PTPRD: variants seen among roughly 807,000 people sequenced by gnomAD.
PTPRD encodes the protein protein tyrosine phosphatase receptor type D.
A neutral mutation model predicts 214.5 loss-of-function variants in PTPRD; 34 were observed. The observed-to-expected ratio is 0.16, with a 90% CI of 0.12 to 0.21. PTPRD has a LOEUF of 0.21. Ranked by LOEUF, PTPRD falls within the 10% of genes least tolerant of loss-of-function variation. The pLI is 1.00. For missense variants in PTPRD, 2,545 were observed against 2,398.7 expected, an observed-to-expected ratio of 1.06 and a Z score of -1.27; for synonymous variants, 1,128 against 845.7, an observed-to-expected ratio of 1.33 and a Z score of -5.79.
At chr9:10,157,997 A>G (rs1049118015) in intron 3 of PTPRD, among the ~76,000 whole-genome samples, 1 of 125,090 alleles carries the variant, frequency 8.0e-6, no homozygotes, top group African/African-American at 3.0e-5. Flanking sequence ...CAAGTTGTTT[A>G]TGGTTTTTTG....
intron 8 of PTPRD, among the ~76,000 whole-genome samples, chr9:9,544,031 T>C (rs1407691879): frequency 6.6e-6 from 1 of 151,620 alleles, no homozygotes; most frequent in Non-Finnish European, 1.5e-5. Context: ...CCTGACTTAA[T>C]CTCTTCTCTT....
At chr9:9,931,962 G>A (rs539130530) in intron 5 of PTPRD, among the ~76,000 whole-genome samples, 194 of 151,976 alleles carry the variant, frequency 1.3e-3, no homozygotes, top group Non-Finnish European at 2.1e-3. Context: ...CCCCAGCAGG[G>A]GCACACTGAC....
At chr9:10,083,085 T>TTC (rs2098270364) in intron 3 of PTPRD, among the ~76,000 whole-genome samples, 1 of 151,898 alleles carries the variant, frequency 6.6e-6, no homozygotes, top group Non-Finnish European at 1.5e-5. Context: ...TTTTTCCTTC[T>TTC]TCTCTCTGCT....
At chr9:10,533,978 T>C (rs10738167) in intron 2 of PTPRD, among the ~76,000 whole-genome samples, 59,392 of 151,058 alleles carry the variant, frequency 0.39, 12,900 homozygotes, top group Non-Finnish European at 0.51. Flanking sequence ...AAGGGAATAT[T>C]TTATTTATTA....
intron 6 of PTPRD, among the ~76,000 whole-genome samples, chr9:9,742,604 C>T (rs2098415562): frequency 6.6e-6 from 1 of 151,886 alleles, no homozygotes; most frequent in African/African-American, 2.4e-5. Context: ...ACTTTGAGGT[C>T]ATCAGAGAGC....
chr9:8,990,182 G>T (rs954264819), intron 11 of PTPRD, among the ~76,000 whole-genome samples: 8 of 152,108 alleles, frequency 5.3e-5, no homozygotes, highest in African/African-American at 1.4e-4. Context: ...TGGAAAATCT[G>T]TGTCCACATT....
intron 3 of PTPRD, among the ~76,000 whole-genome samples, chr9:10,092,038 C>T (rs417577): frequency 0.43 from 64,218 of 150,636 alleles, 14,545 homozygotes; most frequent in African/African-American, 0.55. Context: ...TGTCCACAAG[C>T]TTAAAAATGA....
At chr9:9,185,716 C>G (rs904277245) in intron 9 of PTPRD, among the ~76,000 whole-genome samples, 5 of 151,984 alleles carry the variant, frequency 3.3e-5, no homozygotes, top group African/African-American at 1.2e-4. Flanking sequence ...CACCTTCAGG[C>G]TAGATTTTAT....
chr9:8,596,773 G>C (rs1027684731), intron 14 of PTPRD, among the ~76,000 whole-genome samples: 1 of 152,140 alleles, frequency 6.6e-6, no homozygotes. Context: ...ATCTAAGCTA[G>C]GCAACACAAA....
At chr9:10,306,760 A>G (rs1397486654) in intron 3 of PTPRD, among the ~76,000 whole-genome samples, 2 of 152,134 alleles carry the variant, frequency 1.3e-5, no homozygotes, top group African/African-American at 4.8e-5. Flanking sequence ...TCATTGAGCT[A>G]ATTTGTGATA....
chr9:9,779,419 A>G (rs1322377998), intron 5 of PTPRD, among the ~76,000 whole-genome samples: 4 of 152,120 alleles, frequency 2.6e-5, no homozygotes, highest in African/African-American at 9.7e-5. Flanking sequence ...AACAGACAAC[A>G]TGCAGAATGG....
intron 2 of PTPRD, among the ~76,000 whole-genome samples, chr9:10,528,839 A>G (rs2055166172): frequency 6.6e-6 from 1 of 152,320 alleles, no homozygotes; most frequent in East Asian, 1.9e-4. Context: ...TTATAGTTAT[A>G]TATTCATATT....
At chr9:9,868,717 A>G (rs962440225) in intron 5 of PTPRD, among the ~76,000 whole-genome samples, 2 of 148,830 alleles carry the variant, frequency 1.3e-5, no homozygotes, top group Non-Finnish European at 2.9e-5. Context: ...CTAATAATAT[A>G]CTTAAACTCC....
intron 2 of PTPRD, among the ~76,000 whole-genome samples, chr9:10,582,407 A>G (rs1417275253): frequency 6.6e-6 from 1 of 152,182 alleles, no homozygotes; most frequent in Non-Finnish European, 1.5e-5. Context: ...GCTAATATCA[A>G]TTTAGAATCA....
chr9:10,269,771 T>C (rs1595801206), intron 3 of PTPRD, among the ~76,000 whole-genome samples: 1 of 151,888 alleles, frequency 6.6e-6, no homozygotes, highest in Non-Finnish European at 1.5e-5. Flanking sequence ...TACAAAAATA[T>C]CTACAATTCT....
intron 3 of PTPRD, among the ~76,000 whole-genome samples, chr9:10,170,665 C>T (rs948805857): frequency 6.6e-6 from 1 of 152,030 alleles, no homozygotes; most frequent in African/African-American, 2.4e-5. Flanking sequence ...CCAGCCTGGG[C>T]GACAGAGCAA....
At chr9:8,640,561 C>CAAAAAAAAAAAAAA (rs201282830) in intron 12 of PTPRD, among the ~76,000 whole-genome samples, 2 of 105,468 alleles carry the variant, frequency 1.9e-5, no homozygotes, top group Non-Finnish European at 4.2e-5. Context: ...AACAAAAAAA[C>CAAAAAAAAAAAAAA]AAAAAAAAAA....
chr9:9,687,555 C>G (rs935060464), intron 7 of PTPRD, among the ~76,000 whole-genome samples: 14 of 151,360 alleles, frequency 9.2e-5, no homozygotes, highest in Admixed American at 8.6e-4. Flanking sequence ...ATGTACTTAC[C>G]TAAAATAACT....
intron 18 of PTPRD, among the ~76,000 whole-genome samples, chr9:8,524,106 G>C (rs1197910075): frequency 6.7e-6 from 1 of 150,152 alleles, no homozygotes; most frequent in African/African-American, 2.4e-5. Flanking sequence ...AACTGGCTTT[G>C]AGAACTCTCG....
Sources: allele counts gnomAD v4.1 joint callset (sites outside exome capture counted in the v4.1 genomes callset), GRCh38; gene constraint gnomAD v4.1.1; transcripts MANE v1.5; gene names NCBI Gene and HGNC (gene_info 2026-07-23, HGNC 2026-07-21).